PDZD2: variants seen among roughly 807,000 people sequenced by gnomAD.
PDZD2 encodes PDZ domain containing 2.
Under a neutral mutation model 220.7 loss-of-function variants are expected in PDZD2, and 90 were observed. The ratio of observed to expected loss-of-function variants is 0.41; its 90% CI spans 0.34 to 0.49. The LOEUF is 0.49. PDZD2 is among the 20% of genes least tolerant of loss of function. The pLI is 0.28. For missense variants in PDZD2, 3,174 were observed against 3,608.5 expected (o/e 0.88, Z 3.08); for synonymous variants, 1,375 against 1,450.5 (o/e 0.95, Z 1.18).
intron 19 of PDZD2, among the ~76,000 whole-genome samples, chr5:32,079,760 G>C (rs924996663): frequency 2.3e-4 from 35 of 152,114 alleles, no homozygotes; most frequent in African/African-American, 8.2e-4. Context: ...GCAGTGAGCC[G>C]AGATCGAGCC....
chr5:32,048,177 T>A (rs918771272), intron 7 of PDZD2, among the ~76,000 whole-genome samples: 1 of 152,228 alleles, frequency 6.6e-6, no homozygotes, highest in Non-Finnish European at 1.5e-5. Context: ...AATGAAACTA[T>A]ACCAATCACA....
rs201259694 is a variant in PDZD2 at position 32,109,785 on chromosome 5, C to CCAT, written c.*1653_*1655dup. On this transcript the variant is annotated 3_prime_UTR_variant, in exon 25 of 25. Coordinates refer to ENST00000438447, the MANE Select transcript of PDZD2 (RefSeq NM_178140.4). ...CCCCAGATTCATGGAGGGGCTTTAGCCATCAGCTTTGTACATCATCATTTT... is the reference window on the plus strand; with the variant it reads ...CCCCAGATTCATGGAGGGGCTTTAGCCATCATCAGCTTTGTACATCATCATTTT... 458 of 152,630 alleles carry CCAT rather than the reference C, an allele frequency of 3.0e-3. 2 individuals carry two copies. The highest frequency in any genetic ancestry group is 0.011 in the African/African-American group (447 of 41,562). 9.5% of individuals were successfully genotyped at this position (152,630 alleles called of 1,614,324 possible).
intron 2 of PDZD2, among the ~76,000 whole-genome samples, chr5:31,829,664 AACTTAACTAGT>A (rs1196257948): frequency 1.3e-5 from 2 of 152,108 alleles, no homozygotes; most frequent in African/African-American, 4.8e-5. Context: ...TGAGAAACAG[AACTTAACTAGT>A]ATGTCAGAGC....
At chr5:31,959,131 C>T (rs919987904) in intron 2 of PDZD2, among the ~76,000 whole-genome samples, 4 of 151,176 alleles carry the variant, frequency 2.6e-5, no homozygotes, top group Non-Finnish European at 4.4e-5. Flanking sequence ...CAGGGTTTCA[C>T]CATATTGGCC....
At chr5:31,663,299 G>T (rs1207301350) in intron 1 of PDZD2, among the ~76,000 whole-genome samples, 1 of 152,078 alleles carries the variant, frequency 6.6e-6, no homozygotes, top group African/African-American at 2.4e-5. Context: ...TGTTATAAAT[G>T]AACAAATCTC....
At chr5:31,969,518 A>AAAAAAAAAAAAC (rs1749082554) in intron 2 of PDZD2, among the ~76,000 whole-genome samples, 2 of 139,116 alleles carry the variant, frequency 1.4e-5, no homozygotes, top group Admixed American at 7.1e-5. Flanking sequence ...CCAAAAAAAA[A>AAAAAAAAAAAAC]AAAAAAAAAA....
intron 2 of PDZD2, among the ~76,000 whole-genome samples, chr5:31,956,017 G>GTTTGC (rs1747642292): frequency 6.6e-6 from 1 of 152,102 alleles, no homozygotes; most frequent in Admixed American, 6.6e-5. Flanking sequence ...TTCATAAATT[G>GTTTGC]TTAAGACTTC....
At chr5:31,892,906 T>C (rs2150349713) in intron 2 of PDZD2, among the ~76,000 whole-genome samples, 1 of 152,076 alleles carries the variant, frequency 6.6e-6, no homozygotes, top group Middle Eastern at 3.4e-3. Flanking sequence ...AGCCTGACGG[T>C]GGAGACAGGT....
intron 1 of PDZD2, among the ~76,000 whole-genome samples, chr5:31,641,622 T>G (rs1744952367): frequency 6.6e-6 from 1 of 151,926 alleles, no homozygotes; most frequent in Non-Finnish European, 1.5e-5. Flanking sequence ...CCTGAGTAAC[T>G]GGGATCACAG....
chr5:32,007,605 T>C (rs886428310), intron 5 of PDZD2, among the ~76,000 whole-genome samples: 2 of 152,234 alleles, frequency 1.3e-5, no homozygotes, highest in African/African-American at 4.8e-5. Context: ...CTTGCTAATA[T>C]TCAGTAACAT....
intron 2 of PDZD2, among the ~76,000 whole-genome samples, chr5:31,834,398 A>G (rs545727880): frequency 6.6e-6 from 1 of 152,352 alleles, no homozygotes; most frequent in East Asian, 1.9e-4. Flanking sequence ...GGTTGATTTC[A>G]TGACAACTAG....
intron 6 of PDZD2, among the ~76,000 whole-genome samples, chr5:32,029,550 G>A (rs960725868): frequency 6.6e-6 from 1 of 152,086 alleles, no homozygotes; most frequent in Non-Finnish European, 1.5e-5. Flanking sequence ...CTGTGGCGGT[G>A]ACACAGGCTC....
At chr5:31,677,896 G>A (rs1371029178) in intron 1 of PDZD2, among the ~76,000 whole-genome samples, 1 of 152,026 alleles carries the variant, frequency 6.6e-6, no homozygotes. Context: ...GAGGAGGAAG[G>A]GGGGAGGACC....
chr5:31,937,781 C>G (rs1745890805), intron 2 of PDZD2, among the ~76,000 whole-genome samples: 1 of 152,208 alleles, frequency 6.6e-6, no homozygotes, highest in African/African-American at 2.4e-5. Flanking sequence ...TGTGTGTCCC[C>G]TTTGTCTCCC....
At chr5:31,765,167 G>A (rs1751925763) in intron 1 of PDZD2, among the ~76,000 whole-genome samples, 1 of 152,042 alleles carries the variant, frequency 6.6e-6, no homozygotes. Flanking sequence ...CTCTCCTGGA[G>A]CCCCCTCTCT....
chr5:31,658,107 T>C (rs565529804), intron 1 of PDZD2, among the ~76,000 whole-genome samples: 4 of 152,268 alleles, frequency 2.6e-5, no homozygotes, highest in African/African-American at 9.6e-5. Context: ...GCTGTTTGGA[T>C]TGGTGCAATC....
Position 32,087,722 on chromosome 5 carries a change from C to T in PDZD2, c.4274C>T (p.Thr1425Met), listed in dbSNP as rs36097367. The T allele has an allele frequency of 6.4e-3, 10,384 of 1,613,884 alleles. 582 individuals carry two copies. In the African/African-American group the frequency reaches 0.12, roughly 19 times the overall value. ...CPGGSRESPVTDIDSFIKELD... is the reference protein window; with the variant it reads ...CPGGSRESPVMDIDSFIKELD... ...GGGGGGAGTAGAGAGAGCCCTGTGA[C>T]GGACATTGACAGCTTCATCAAGGAG... Residue 1425 changes from threonine to methionine, a missense_variant, in exon 20 of 25, where the codon ACG (threonine) becomes ATG (methionine). By Grantham distance (81) the Thr-to-Met change is moderately conservative. Around this residue, in one of 4 missense-constraint regions of PDZD2, gnomAD observed 1,861 missense variants for 2,001.0 expected, o/e 0.93. Transcript: ENST00000438447. The surrounding 1 kb of genome is among the most constrained non-coding windows in gnomAD (Gnocchi z 4.0).
chr5:32,062,713 C>A (rs75401758), intron 14 of PDZD2, among the ~76,000 whole-genome samples: 1,745 of 152,218 alleles, frequency 0.011, 31 homozygotes, highest in African/African-American at 0.039. Flanking sequence ...TTTTTAAATT[C>A]ATGCCAGGAT....
At chr5:32,079,955 G>A (rs1741751149) in intron 19 of PDZD2, among the ~76,000 whole-genome samples, 1 of 152,158 alleles carries the variant, frequency 6.6e-6, no homozygotes, top group Admixed American at 6.5e-5. Flanking sequence ...CTGTTACTGT[G>A]GGTTCTGGTT....
Sources: gnomAD v4.1 joint callset for allele counts (sites outside exome capture counted in the v4.1 genomes callset) on GRCh38, gnomAD v4.1.1 for gene constraint, gnomAD v4.1.1 regional missense constraint, Gnocchi (gnomAD v3.1) non-coding constraint, MANE v1.5 for transcripts, NCBI Gene and HGNC (gene_info 2026-07-23, HGNC 2026-07-21) for gene names.